The following TENT4A variants were observed in gnomAD, a reference collection of about 807,000 sequenced individuals.
The protein encoded by TENT4A is terminal nucleotidyltransferase 4A.
In TENT4A, 7 loss-of-function variants were observed where a neutral mutation model predicts 72.8. The ratio of observed to expected loss-of-function variants is 0.10; its 90% CI spans 0.05 to 0.18. TENT4A has a LOEUF of 0.18. TENT4A is among the 10% of genes least tolerant of loss of function. TENT4A has a pLI of 1.00. For missense variants in TENT4A, 831 were observed against 1,017.7 expected (o/e 0.82, Z 2.50); for synonymous variants, 456 against 434.3 (o/e 1.05, Z -0.62).
Position 6,734,137 on chromosome 5 carries a change from C to T in TENT4A, c.717-3373C>T, listed in dbSNP as rs924914440. On this transcript the variant is annotated intron_variant, in intron 1 of 12. Coordinates refer to ENST00000230859, the MANE Select transcript of TENT4A (RefSeq NM_006999.6). Reference sequence around the variant, plus strand: ...CCGGAGACGGAGCAGTGCGCTGTTGCGTCCATCCACAGATGGCCTCCAGAG... The same window carrying T: ...CCGGAGACGGAGCAGTGCGCTGTTGTGTCCATCCACAGATGGCCTCCAGAG... 2.0e-5 allele frequency among the ~76,000 whole-genome samples: 3 copies of T among 152,242 alleles called. No individual in the cohort carries two copies. In the East Asian group the frequency reaches 5.8e-4, roughly 29 times the overall value.
At chr5:6,723,333 A>G (rs528773982) in intron 1 of TENT4A, among the ~76,000 whole-genome samples, 1 of 152,306 alleles carries the variant, frequency 6.6e-6, no homozygotes, top group Admixed American at 6.5e-5. Flanking sequence ...CACGCAGGTT[A>G]ATGATGGTGC....
intron 8 of TENT4A, 152 bp from the exon 9 acceptor site, chr5:6,749,405 A>C: frequency 1.6e-6 from 1 of 633,552 alleles, no homozygotes; most frequent in Non-Finnish European, 2.8e-6. Flanking sequence ...ATTAAAAGTC[A>C]GAGATATTTG....
At chr5:6,727,102 C>T (rs372421169) in intron 1 of TENT4A, among the ~76,000 whole-genome samples, 129 of 152,268 alleles carry the variant, frequency 8.5e-4, no homozygotes, top group African/African-American at 2.9e-3. Flanking sequence ...TCGATGTGTC[C>T]TTACTCGGTG....
rs3822436 is a variant in TENT4A, at chr5:6,754,968, C to T, written c.*23C>T. ...TAATGGCTCCTGGCTGCGTCAGCCT[C>T]CCCCACCCCTCTGCAGACTGCCCCG... On this transcript the variant is annotated 3_prime_UTR_variant, in exon 13 of 13. Transcript: ENST00000230859. The T allele has an allele frequency of 1.3e-6, 2 of 1,551,390 alleles. No homozygotes were observed. Among genetic ancestry groups the T allele is most frequent in the African/African-American group, 1.4e-5 (1 of 74,068 alleles).
At chr5:6,747,555 A>G (rs1318229701) in intron 7 of TENT4A, among the ~76,000 whole-genome samples, 1 of 152,174 alleles carries the variant, frequency 6.6e-6, no homozygotes, top group East Asian at 1.9e-4. Context: ...TATAGATGGC[A>G]TGATTTGTGC....
chr5:6,727,952 C>T (rs1448571689), intron 1 of TENT4A, among the ~76,000 whole-genome samples: 1 of 152,124 alleles, frequency 6.6e-6, no homozygotes, highest in African/African-American at 2.4e-5. Flanking sequence ...ATCTTTGGAT[C>T]CAGTGAGTTC....
At chr5:6,742,027 G>A (rs954106756) in intron 4 of TENT4A, among the ~76,000 whole-genome samples, 3 of 152,140 alleles carry the variant, frequency 2.0e-5, no homozygotes, top group African/African-American at 7.2e-5. Context: ...AATTTTTTTA[G>A]TAAAGTTGTC....
intron 1 of TENT4A, among the ~76,000 whole-genome samples, chr5:6,715,766 G>A (rs1740347895): frequency 6.6e-6 from 1 of 152,186 alleles, no homozygotes; most frequent in African/African-American, 2.4e-5. Flanking sequence ...TTTAAAGCGT[G>A]TGATACACTG....
chr5:6,754,108 T>C (rs961922951), intron 12 of TENT4A, among the ~76,000 whole-genome samples: 2 of 152,212 alleles, frequency 1.3e-5, no homozygotes, highest in Non-Finnish European at 2.9e-5. Flanking sequence ...TCCTGGCACG[T>C]GTGACTTGCT....
At chr5:6,753,698 G>A (rs373694950) in intron 12 of TENT4A, among the ~76,000 whole-genome samples, 4 of 152,328 alleles carry the variant, frequency 2.6e-5, no homozygotes, top group Admixed American at 2.0e-4. Context: ...TGCTTTCATC[G>A]GTGTCCACAC....
chr5:6,737,069 G>A (rs143865600), intron 1 of TENT4A, among the ~76,000 whole-genome samples: 122 of 152,302 alleles, frequency 8.0e-4, no homozygotes, highest in African/African-American at 2.7e-3. Flanking sequence ...CCCATTCTCA[G>A]TCCCTCCCAT....
intron 11 of TENT4A, among the ~76,000 whole-genome samples, chr5:6,752,576 G>A (rs186816171): frequency 6.6e-6 from 1 of 152,212 alleles, no homozygotes; most frequent in African/African-American, 2.4e-5. Context: ...TCACCACGGG[G>A]GTGACGGTTG....
intron 10 of TENT4A, 134 bp downstream of exon 10, chr5:6,750,637 G>C (rs944969081): frequency 2.7e-5 from 22 of 811,728 alleles, no homozygotes; most frequent in African/African-American, 2.1e-4. Flanking sequence ...GGAGGTGGGT[G>C]GGGGGCAGCC....
Position 6,751,163 on chromosome 5 carries a change from C to T in TENT4A, c.1985C>T (p.Thr662Ile). ...PMPSGKPQPT[T>I]SRTLIMTTNN... The stretch of plus-strand genomic sequence containing the variant: ...CCCAGTGGCAAACCTCAGCCCACCA[C>T]TTCCAGAACACTGATCATGACAACC... The change falls in exon 11 of 13, where the codon ACT becomes ATT. Residue 662 changes from threonine to isoleucine, a missense_variant. Physicochemically the swap from Thr to Ile is moderately conservative, Grantham distance 89. Coordinates refer to ENST00000230859, the MANE Select transcript of TENT4A (RefSeq NM_006999.6). 6.2e-7 allele frequency: 1 copy of T among 1,614,278 alleles called. No homozygotes were observed. Among genetic ancestry groups the T allele is most frequent in the South Asian group, 1.1e-5 (1 of 91,088 alleles).
chr5:6,754,177 T>G (rs990542633), intron 12 of TENT4A, among the ~76,000 whole-genome samples: 1 of 152,224 alleles, frequency 6.6e-6, no homozygotes, highest in Non-Finnish European at 1.5e-5. Context: ...TTCTTACTTC[T>G]GTTTTTTTGG....
intron 9 of TENT4A, 43 bp from the exon 10 acceptor site, chr5:6,750,288 G>T (rs747659876): frequency 7.8e-6 from 12 of 1,538,676 alleles, no homozygotes; most frequent in Non-Finnish European, 1.1e-5. Context: ...GCTCCACGCC[G>T]CAGTTCTCAG....
chr5:6,739,380 T>C (rs1452167385), intron 3 of TENT4A, among the ~76,000 whole-genome samples: 1 of 152,208 alleles, frequency 6.6e-6, no homozygotes, highest in Non-Finnish European at 1.5e-5. Context: ...GCAGGAGTGA[T>C]CCAGCGTAGG....
chr5:6,737,729 T>G, intron 2 of TENT4A, 96 bp downstream of exon 2: 2 of 1,357,716 alleles, frequency 1.5e-6, no homozygotes, highest in Non-Finnish European at 2.0e-6. Flanking sequence ...CACACAGACC[T>G]TTTCTCGTTG....
rs527385382 is a variant in TENT4A at position 6,755,964 on chromosome 5, T to C, written c.*1019T>C. On this transcript the variant is annotated 3_prime_UTR_variant, in exon 13 of 13. Coordinates refer to ENST00000230859, the MANE Select transcript of TENT4A (RefSeq NM_006999.6). Reference sequence around the variant, plus strand: ...CTGTGATGATGGGTCTGGTGACTATTATTGCGGACCGTGGTACCCAGTTTT... The same window carrying C: ...CTGTGATGATGGGTCTGGTGACTATCATTGCGGACCGTGGTACCCAGTTTT... 1 of 152,376 alleles carries C rather than the reference T, an allele frequency of 6.6e-6. No homozygotes were observed. The highest frequency in any genetic ancestry group is 2.4e-5 in the African/African-American group (1 of 41,580). 9.4% of individuals were successfully genotyped at this position (152,376 alleles called of 1,614,324 possible).
Sources: allele counts gnomAD v4.1 joint callset (sites outside exome capture counted in the v4.1 genomes callset), GRCh38; gene constraint gnomAD v4.1.1; transcripts MANE v1.5; gene names NCBI Gene and HGNC (gene_info 2026-07-23, HGNC 2026-07-21).